Variants in KCNH8 observed in about 807,000 individuals in gnomAD.
KCNH8 encodes voltage-gated delayed rectifier potassium channel KCNH8.
A neutral mutation model predicts 103.6 loss-of-function variants in KCNH8; 70 were observed. The ratio of observed to expected loss-of-function variants is 0.68; its 90% CI spans 0.56 to 0.82. KCNH8 has a LOEUF of 0.82. Ranked by LOEUF, KCNH8 falls within the 40% of genes least tolerant of loss-of-function variation. The pLI, the probability that KCNH8 is intolerant of heterozygous loss-of-function variation, is 0.00. For synonymous variants in KCNH8, 498 were observed against 489.4 expected, an observed-to-expected ratio of 1.02 and a Z score of -0.23; for missense variants, 1,217 against 1,329.9, an observed-to-expected ratio of 0.92 and a Z score of 1.32.
intron 1 of KCNH8, among the ~76,000 whole-genome samples, chr3:19,245,258 A>G (rs2064189875): frequency 6.6e-6 from 1 of 152,076 alleles, no homozygotes. Context: ...GTAAAATATC[A>G]TATGGTTGTA....
chr3:19,479,611 G>T (rs1318535076), intron 11 of KCNH8, among the ~76,000 whole-genome samples: 1 of 152,028 alleles, frequency 6.6e-6, no homozygotes, highest in Non-Finnish European at 1.5e-5. Context: ...ACCTGCCATG[G>T]GTGTTATTTA....
At chr3:19,319,374 T>A (rs1188396299) in intron 3 of KCNH8, among the ~76,000 whole-genome samples, 1 of 152,066 alleles carries the variant, frequency 6.6e-6, no homozygotes, top group Admixed American at 6.6e-5. Flanking sequence ...GTTTCATTCT[T>A]CTACACGTGG....
intron 3 of KCNH8, among the ~76,000 whole-genome samples, chr3:19,284,517 G>GTA (rs2064801883): frequency 7.3e-6 from 1 of 137,566 alleles, no homozygotes; most frequent in South Asian, 2.1e-4. Context: ...TGGTGTGTGT[G>GTA]TGTGTGTGTG....
chr3:19,391,330 G>T (rs572008115), intron 6 of KCNH8, among the ~76,000 whole-genome samples: 1 of 152,090 alleles, frequency 6.6e-6, no homozygotes, highest in African/African-American at 2.4e-5. Flanking sequence ...ATAATTTAAT[G>T]ATTGGTATTC....
At chr3:19,503,777 G>A (rs144834697) in intron 11 of KCNH8, among the ~76,000 whole-genome samples, 3 of 144,280 alleles carry the variant, frequency 2.1e-5, no homozygotes, top group African/African-American at 7.7e-5. Context: ...GGGGACTATT[G>A]TGGGGTAGGG....
At chr3:19,420,039 A>C (rs547267425) in intron 7 of KCNH8, among the ~76,000 whole-genome samples, 121 of 152,264 alleles carry the variant, frequency 7.9e-4, no homozygotes, top group African/African-American at 2.7e-3. Context: ...TGTACTTACT[A>C]TCATTGAAAA....
intron 3 of KCNH8, among the ~76,000 whole-genome samples, chr3:19,316,911 C>T (rs1309104813): frequency 6.6e-6 from 1 of 151,844 alleles, no homozygotes; most frequent in Non-Finnish European, 1.5e-5. Flanking sequence ...TAAATAGATG[C>T]TTTGAAATTG....
chr3:19,260,507 T>C (rs2064418330), intron 2 of KCNH8, among the ~76,000 whole-genome samples: 1 of 116,758 alleles, frequency 8.6e-6, no homozygotes, highest in African/African-American at 3.7e-5. Flanking sequence ...TATATATATA[T>C]ATATATATAT....
At chr3:19,438,894 G>T (rs2067238910) in intron 8 of KCNH8, among the ~76,000 whole-genome samples, 1 of 152,164 alleles carries the variant, frequency 6.6e-6, no homozygotes, top group African/African-American at 2.4e-5. Context: ...TATTAGGCAA[G>T]ATGCAACTGT....
intron 2 of KCNH8, among the ~76,000 whole-genome samples, chr3:19,274,102 C>T (rs1391236561): frequency 6.6e-6 from 1 of 152,010 alleles, no homozygotes; most frequent in African/African-American, 2.4e-5. Context: ...GGATCATTCC[C>T]AGAATATTAC....
intron 1 of KCNH8, among the ~76,000 whole-genome samples, chr3:19,168,011 C>CT (rs752541967): frequency 0.011 from 1,532 of 135,748 alleles, 18 homozygotes; most frequent in African/African-American, 0.032. Flanking sequence ...CTCTCCACTT[C>CT]TTTTTTTTTT....
At chr3:19,423,682 G>A (rs973793404) in intron 7 of KCNH8, among the ~76,000 whole-genome samples, 3 of 151,658 alleles carry the variant, frequency 2.0e-5, no homozygotes, top group African/African-American at 7.3e-5. Context: ...CCACGCATTG[G>A]TTAATGGGCA....
chr3:19,382,022 G>C (rs2066295238), intron 5 of KCNH8, among the ~76,000 whole-genome samples: 1 of 151,998 alleles, frequency 6.6e-6, no homozygotes. Flanking sequence ...ATCCATTGTT[G>C]GCTACAAAGA....
intron 3 of KCNH8, among the ~76,000 whole-genome samples, chr3:19,336,627 T>C (rs567073692): frequency 7.3e-4 from 111 of 152,102 alleles, no homozygotes; most frequent in Middle Eastern, 3.4e-3. Context: ...CAGCTATCAA[T>C]TTCTGAGACA....
At chr3:19,334,667 G>T (rs1575535262) in intron 3 of KCNH8, among the ~76,000 whole-genome samples, 1 of 142,028 alleles carries the variant, frequency 7.0e-6, no homozygotes, top group African/African-American at 2.6e-5. Flanking sequence ...TTATTCCTGT[G>T]TTAATTATGT....
intron 8 of KCNH8, chr3:19,448,938 C>T (rs1393907638): frequency 7.8e-7 from 1 of 1,278,550 alleles, no homozygotes; most frequent in African/African-American, 1.5e-5. Flanking sequence ...TTTCACAGTT[C>T]CAGGTGTGTC....
intron 2 of KCNH8, among the ~76,000 whole-genome samples, chr3:19,270,896 G>A (rs867335476): frequency 4.0e-5 from 6 of 151,862 alleles, no homozygotes; most frequent in Non-Finnish European, 7.4e-5. Flanking sequence ...CAATATTTCT[G>A]CTTTCTTACA....
chr3:19,225,719 T>A (rs1289466685), intron 1 of KCNH8, among the ~76,000 whole-genome samples: 1 of 152,210 alleles, frequency 6.6e-6, no homozygotes, highest in Admixed American at 6.5e-5. Flanking sequence ...CTCTAGAAAT[T>A]GGCTTTTCTA....
At chr3:19,248,074 A>G (rs2064228382) in intron 1 of KCNH8, among the ~76,000 whole-genome samples, 1 of 152,216 alleles carries the variant, frequency 6.6e-6, no homozygotes. Flanking sequence ...AAAACAAAAT[A>G]ACACTACAAC....
Sources: gnomAD v4.1 joint callset for allele counts (sites outside exome capture counted in the v4.1 genomes callset) on GRCh38, gnomAD v4.1.1 for gene constraint, MANE v1.5 for transcripts, NCBI Gene and HGNC (gene_info 2026-07-23, HGNC 2026-07-21) for gene names.